The following COL22A1 variants were observed in gnomAD, a reference collection of about 807,000 sequenced individuals.
COL22A1 encodes the protein collagen type XXII alpha 1 chain.
Under a neutral mutation model 248.9 loss-of-function variants are expected in COL22A1, and 221 were observed. The observed-to-expected ratio is 0.89, with a 90% CI of 0.80 to 0.99. The LOEUF (loss-of-function observed/expected upper bound fraction) is 0.99. Ranked by LOEUF, COL22A1 falls within the 50% of genes least tolerant of loss-of-function variation. COL22A1 has a pLI of 0.00. For synonymous variants in COL22A1, 891 were observed against 793.4 expected (o/e 1.12, Z -2.07); for missense variants, 2,240 against 2,179.0 (o/e 1.03, Z -0.56).
chr8:138,738,177 C>A (rs1222012023), intron 22 of COL22A1, among the ~76,000 whole-genome samples: 1 of 152,178 alleles, frequency 6.6e-6, no homozygotes, highest in Non-Finnish European at 1.5e-5. Flanking sequence ...TGCATTGAAA[C>A]AACCCCCTCC....
rs1389460809 is a variant in COL22A1, at chr8:138,636,756, G to T, written c.3541C>A (p.Gln1181Lys). The change falls in exon 48 of 65, where the codon CAG becomes AAG. Residue 1181 changes from glutamine (Q) to lysine (K), a missense_variant. Transcript: ENST00000303045. ...TAAATTTTTACCTGATCACCTTTCT[G>T]CCCAACCTCACCATCTGCACCACGT... Reference protein sequence around the residue: ...GERGADGEVGQKGDQGHPGVP... With the variant: ...GERGADGEVGKKGDQGHPGVP... The T allele has an allele frequency of 2.5e-6, 4 of 1,613,200 alleles. No homozygotes were observed. Among genetic ancestry groups the T allele is most frequent in the Non-Finnish European group, 2.5e-6 (3 of 1,179,340 alleles).
intron 12 of COL22A1, 106 bp downstream of exon 12, chr8:138,796,713 C>G (rs1207531625): frequency 1.2e-6 from 1 of 818,430 alleles, no homozygotes; most frequent in Non-Finnish European, 2.2e-6. Context: ...CTCTTTTCCC[C>G]CACTCGAATT....
intron 25 of COL22A1, 21 bp from the exon 26 acceptor site, chr8:138,722,110 A>T: frequency 6.4e-7 from 1 of 1,559,872 alleles, no homozygotes; most frequent in Non-Finnish European, 8.7e-7. Flanking sequence ...AGGGGAAAAC[A>T]TAAATAAAAA....
At chr8:138,851,030 C>A (rs1821599741) in intron 3 of COL22A1, among the ~76,000 whole-genome samples, 1 of 152,214 alleles carries the variant, frequency 6.6e-6, no homozygotes, top group South Asian at 2.1e-4. Flanking sequence ...CTTGGTGCTC[C>A]CGTGCTAGTG....
In COL22A1 at chr8:138,682,098, G is replaced by A. The variant is rs572054669; in HGVS notation, c.3012+2327C>T. On this transcript the variant is annotated intron_variant, in intron 39 of 64. Transcript: ENST00000303045. ...CAATTTGAGAAGCAATACACTCTGC[G>A]TTTATGTTGTTGAGATACCAAAGGT... Among the ~76,000 whole-genome samples the A allele has an allele frequency of 1.3e-4, 20 of 152,208 alleles. 1 individual carries two copies. The highest frequency in any genetic ancestry group is 4.8e-4 in the African/African-American group (20 of 41,520).
At chr8:138,787,635 C>T (rs1385748538) in intron 12 of COL22A1, among the ~76,000 whole-genome samples, 1 of 152,194 alleles carries the variant, frequency 6.6e-6, no homozygotes, top group African/African-American at 2.4e-5. Flanking sequence ...AAGAGAATGA[C>T]AATGGATGAG....
chr8:138,852,545 G>T (rs1200367083), intron 3 of COL22A1, among the ~76,000 whole-genome samples: 6 of 152,154 alleles, frequency 3.9e-5, no homozygotes, highest in Non-Finnish European at 5.9e-5. Context: ...AGATTTCAAG[G>T]CTTGGGGCCC....
intron 10 of COL22A1, among the ~76,000 whole-genome samples, chr8:138,807,389 AG>A (rs1285306861): frequency 2.6e-5 from 4 of 152,230 alleles, no homozygotes; most frequent in African/African-American, 4.8e-5. Flanking sequence ...ATGTGTTTAA[AG>A]GGTCATGCAG....
At chr8:138,614,283 T>C (rs545599015) in intron 55 of COL22A1, among the ~76,000 whole-genome samples, 2 of 152,282 alleles carry the variant, frequency 1.3e-5, no homozygotes, top group Admixed American at 6.5e-5. Context: ...GAACCATTCA[T>C]GTCTGAGTCA....
chr8:138,825,441 A>G (rs188802192), intron 6 of COL22A1, among the ~76,000 whole-genome samples: 7 of 152,204 alleles, frequency 4.6e-5, no homozygotes, highest in African/African-American at 1.7e-4. Context: ...TTACCTGTCA[A>G]AAGGTAAGCA....
intron 3 of COL22A1, among the ~76,000 whole-genome samples, chr8:138,867,971 G>T (rs1289646575): frequency 1.3e-5 from 2 of 152,136 alleles, no homozygotes; most frequent in Non-Finnish European, 2.9e-5. Context: ...CACCATGTTG[G>T]TCAGGATGGT....
chr8:138,751,549 T>A lies in COL22A1; in HGVS notation c.2032-38A>T, dbSNP rs374141445. 474 of 1,464,332 alleles carry A rather than the reference T, an allele frequency of 3.2e-4. 1 individual carries two copies. The highest frequency in any genetic ancestry group is 3.5e-4 in the Non-Finnish European group (366 of 1,050,854). 90.7% of individuals were successfully genotyped at this position (1,464,332 alleles called of 1,614,324 possible). On this transcript the variant is annotated intron_variant, in intron 21 of 64. Coordinates refer to ENST00000303045, the MANE Select transcript of COL22A1 (RefSeq NM_152888.3). Reference sequence around the variant, plus strand: ...GAAAAAGGAAAAAGAGAGAGAAACATAATGGTAAATGCAGGGCTCAATGGC... The same window carrying A: ...GAAAAAGGAAAAAGAGAGAGAAACAAAATGGTAAATGCAGGGCTCAATGGC...
intron 18 of COL22A1, 97 bp from the exon 19 acceptor site, chr8:138,755,926 C>A (rs1832964437): frequency 3.1e-6 from 3 of 978,644 alleles, no homozygotes; most frequent in East Asian, 2.4e-5. Flanking sequence ...CCCAGGGGAC[C>A]ACACCCCTCC....
chr8:138,913,230 A>C (rs1262309499), intron 1 of COL22A1, among the ~76,000 whole-genome samples: 1 of 150,034 alleles, frequency 6.7e-6, no homozygotes, highest in African/African-American at 2.5e-5. Context: ...CAAACTTCTT[A>C]CTTGAAAGTT....
intron 1 of COL22A1, among the ~76,000 whole-genome samples, chr8:138,892,895 G>A (rs566658912): frequency 1.9e-4 from 29 of 152,370 alleles, no homozygotes; most frequent in African/African-American, 6.7e-4. Flanking sequence ...CACTGCTGAT[G>A]TGTTGCTGGG....
chr8:138,718,845 A>G (rs899964574), intron 27 of COL22A1, among the ~76,000 whole-genome samples: 10 of 152,214 alleles, frequency 6.6e-5, no homozygotes, highest in Non-Finnish European at 1.5e-4. Context: ...ATGAGTGATG[A>G]TCAGAAATAT....
At chr8:138,868,339 G>C (rs1447980685) in intron 3 of COL22A1, among the ~76,000 whole-genome samples, 1 of 152,078 alleles carries the variant, frequency 6.6e-6, no homozygotes, top group Non-Finnish European at 1.5e-5. Flanking sequence ...GTAGGAGTGG[G>C]AGAGAATCTT....
chr8:138,793,433 T>C (rs77261544), intron 12 of COL22A1, among the ~76,000 whole-genome samples: 3,902 of 152,210 alleles, frequency 0.026, 175 homozygotes, highest in African/African-American at 0.088. Context: ...AAGAGGACTT[T>C]ATGCATCATC....
chr8:138,886,403 G>C (rs1239993645), intron 1 of COL22A1, among the ~76,000 whole-genome samples: 1 of 151,812 alleles, frequency 6.6e-6, no homozygotes, highest in Non-Finnish European at 1.5e-5. Context: ...TTGAGGGGAA[G>C]GAAGAGAGAA....
Sources: allele counts gnomAD v4.1 joint callset (sites outside exome capture counted in the v4.1 genomes callset), GRCh38; gene constraint gnomAD v4.1.1; transcripts MANE v1.5; gene names NCBI Gene and HGNC (gene_info 2026-07-23, HGNC 2026-07-21).